DMRT1: variants seen among roughly 807,000 people sequenced by gnomAD.
DMRT1 encodes doublesex and mab-3 related transcription factor 1.
A neutral mutation model predicts 32.3 loss-of-function variants in DMRT1; 7 were observed. That is an observed-to-expected ratio of 0.22 (90% CI 0.12 to 0.41). The LOEUF is 0.41. Among genes scored for constraint, DMRT1 ranks in the 10% least tolerant of loss-of-function variants. The pLI is 1.00. For synonymous variants in DMRT1, 278 were observed against 206.1 expected, an observed-to-expected ratio of 1.35 and a Z score of -2.99; for missense variants, 625 against 500.5, an observed-to-expected ratio of 1.25 and a Z score of -2.37.
chr9:857,400 A>G (rs1467576977), intron 2 of DMRT1, among the ~76,000 whole-genome samples: 1 of 152,168 alleles, frequency 6.6e-6, no homozygotes, highest in Non-Finnish European at 1.5e-5. Flanking sequence ...CACAGAGTTT[A>G]TATTGAAAGG....
intron 2 of DMRT1, among the ~76,000 whole-genome samples, chr9:886,136 C>T (rs1305534471): frequency 2.0e-5 from 3 of 152,182 alleles, no homozygotes; most frequent in Non-Finnish European, 2.9e-5. Flanking sequence ...TTTTAAAAGT[C>T]CGTGTTACAG....
chr9:954,601 GT>G (rs995070621), intron 4 of DMRT1, among the ~76,000 whole-genome samples: 1 of 149,708 alleles, frequency 6.7e-6, no homozygotes, highest in East Asian at 2.0e-4. Flanking sequence ...GGTAGGTTCA[GT>G]TTTTTTTGTT....
intron 4 of DMRT1, among the ~76,000 whole-genome samples, chr9:956,795 G>A (rs961738221): frequency 1.3e-5 from 2 of 152,026 alleles, no homozygotes; most frequent in African/African-American, 2.4e-5. Flanking sequence ...TCAGAGCCTC[G>A]CTCTCTTGAC....
At chr9:932,689 A>C (rs1198772575) in intron 4 of DMRT1, among the ~76,000 whole-genome samples, 1 of 152,174 alleles carries the variant, frequency 6.6e-6, no homozygotes, top group African/African-American at 2.4e-5. Context: ...CTCCAGCTGA[A>C]AATGGGGTGC....
intron 3 of DMRT1, among the ~76,000 whole-genome samples, chr9:897,090 A>AT (rs376701008): frequency 3.5e-5 from 5 of 141,176 alleles, no homozygotes; most frequent in Non-Finnish European, 7.6e-5. Flanking sequence ...TTTTGGAATC[A>AT]TATTATTATT....
intron 4 of DMRT1, among the ~76,000 whole-genome samples, chr9:933,676 A>G (rs1818796967): frequency 6.6e-6 from 1 of 152,218 alleles, no homozygotes; most frequent in Non-Finnish European, 1.5e-5. Context: ...ACAATGGAAA[A>G]TGCAATTCCT....
chr9:953,116 A>G (rs775274458), intron 4 of DMRT1, among the ~76,000 whole-genome samples: 9 of 152,158 alleles, frequency 5.9e-5, no homozygotes, highest in Non-Finnish European at 1.2e-4. Context: ...GGATTTGTTC[A>G]TTGTTGGATG....
intron 4 of DMRT1, among the ~76,000 whole-genome samples, chr9:917,878 G>GT (rs1818233974): frequency 6.6e-6 from 1 of 152,240 alleles, no homozygotes; most frequent in South Asian, 2.1e-4. Flanking sequence ...GGGAGCCTAT[G>GT]TAGTTTGAGC....
At chr9:909,311 T>C (rs149126248) in intron 3 of DMRT1, among the ~76,000 whole-genome samples, 2,372 of 152,226 alleles carry the variant, frequency 0.016, 70 homozygotes, top group African/African-American at 0.054. Context: ...TTAGCCTATA[T>C]ATTAAAATTT....
chr9:857,052 C>T (rs1020213163), intron 2 of DMRT1, among the ~76,000 whole-genome samples: 5 of 152,182 alleles, frequency 3.3e-5, no homozygotes, highest in African/African-American at 1.2e-4. Flanking sequence ...TGGTGGCTCA[C>T]ACCTGTAATC....
intron 4 of DMRT1, among the ~76,000 whole-genome samples, chr9:958,667 C>T (rs75458555): frequency 0.035 from 5,386 of 152,194 alleles, 339 homozygotes; most frequent in East Asian, 0.19. Context: ...CACGCCTGGT[C>T]CAGAATATTT....
intron 2 of DMRT1, among the ~76,000 whole-genome samples, chr9:886,111 G>A (rs1794715912): frequency 1.3e-5 from 2 of 152,154 alleles, no homozygotes; most frequent in Admixed American, 6.5e-5. Flanking sequence ...GTACTTAGTT[G>A]TATTGGCCAT....
At chr9:950,561 C>G (rs913457553) in intron 4 of DMRT1, among the ~76,000 whole-genome samples, 25 of 152,086 alleles carry the variant, frequency 1.6e-4, no homozygotes, top group African/African-American at 5.8e-4. Flanking sequence ...AGTATAGTGC[C>G]TGGAACATGA....
At chr9:880,724 CAAAAA>C (rs754419367) in intron 2 of DMRT1, among the ~76,000 whole-genome samples, 1,690 of 62,106 alleles carry the variant, frequency 0.027, 23 homozygotes, top group Middle Eastern at 0.1. Flanking sequence ...AACTCAGTCT[CAAAAA>C]AAAAAAAAAA....
At position 968,010 on chromosome 9, in the gene DMRT1, T is replaced by A; in HGVS notation, c.993T>A (p.Asp331Glu). ...ASVFSPPSSQDSGLVSLSSSS... is the reference protein window; with the variant it reads ...ASVFSPPSSQESGLVSLSSSS... Reference sequence around the variant, plus strand: ...TATTCTCGCCGCCCAGCAGTCAAGATTCTGGCTTGGTTTCCCTCTCGAGCA... The same window carrying A: ...TATTCTCGCCGCCCAGCAGTCAAGAATCTGGCTTGGTTTCCCTCTCGAGCA... Residue 331 changes from aspartate (D) to glutamate (E), a missense_variant, in exon 5 of 5, where the codon GAT (aspartate) becomes GAA (glutamate). Asp to Glu is a conservative substitution (Grantham distance 45). Coordinates refer to ENST00000382276, the MANE Select transcript of DMRT1 (RefSeq NM_021951.3). 6.2e-7 allele frequency: 1 copy of A among 1,614,100 alleles called. No individual in the cohort carries two copies. Among genetic ancestry groups the A allele is most frequent in the Non-Finnish European group, 8.5e-7 (1 of 1,180,040 alleles).
intron 4 of DMRT1, among the ~76,000 whole-genome samples, chr9:946,381 C>A (rs1222619965): frequency 6.6e-6 from 1 of 152,068 alleles, no homozygotes; most frequent in Non-Finnish European, 1.5e-5. Context: ...TTTTTATTTC[C>A]ATTTCCATCA....
Position 847,224 on chromosome 9 carries a change from C to A in DMRT1, c.538+81C>A, listed in dbSNP as rs1055461780. 4 of 1,432,254 alleles carry A rather than the reference C, an allele frequency of 2.8e-6. No individual in the cohort carries two copies. The African/African-American group carries it at 5.6e-5, about 20-fold the overall frequency. The allele number at this position is 1,432,254 out of a possible 1,614,324, so 88.7% of individuals were successfully genotyped here. A position where few individuals can be genotyped will look rare whatever the true frequency, so the allele number is the denominator to read the frequency against. Reference sequence around the variant, plus strand: ...GTTGCAGCCACAGAAGCAGGGCTCCCCTGAGCTACATACAGTGTTTAGAGC... The same window carrying A: ...GTTGCAGCCACAGAAGCAGGGCTCCACTGAGCTACATACAGTGTTTAGAGC... On this transcript the variant is annotated intron_variant, in intron 2 of 4. Coordinates refer to ENST00000382276, the MANE Select transcript of DMRT1 (RefSeq NM_021951.3).
At chr9:846,447 T>A (rs1838908959) in intron 1 of DMRT1, among the ~76,000 whole-genome samples, 1 of 152,154 alleles carries the variant, frequency 6.6e-6, no homozygotes, top group South Asian at 2.1e-4. Context: ...AGTGATCCCA[T>A]TTTCCTTCCT....
chr9:943,303 C>G (rs1279189602), intron 4 of DMRT1, among the ~76,000 whole-genome samples: 1 of 152,214 alleles, frequency 6.6e-6, no homozygotes. Flanking sequence ...GTTGAACCCC[C>G]TCACTTCTGA....
Sources: allele counts gnomAD v4.1 joint callset (sites outside exome capture counted in the v4.1 genomes callset), GRCh38; gene constraint gnomAD v4.1.1; transcripts MANE v1.5; gene names NCBI Gene and HGNC (gene_info 2026-07-23, HGNC 2026-07-21).